The following DOK6 variants were observed in gnomAD, a reference collection of about 807,000 sequenced individuals.
DOK6 encodes the protein downstream of tyrosine kinase 6.
In DOK6, 22 loss-of-function variants were observed where a neutral mutation model predicts 44.0. The ratio of observed to expected loss-of-function variants is 0.50; its 90% CI spans 0.36 to 0.71. The LOEUF is 0.71. Among genes scored for constraint, DOK6 ranks in the 30% least tolerant of loss-of-function variants. The pLI is 0.00. For missense variants in DOK6, 340 were observed against 416.4 expected (o/e 0.82, Z 1.60); for synonymous variants, 166 against 145.5 (o/e 1.14, Z -1.01).
At chr18:69,614,332 A>G (rs1984231400) in intron 3 of DOK6, among the ~76,000 whole-genome samples, 1 of 152,172 alleles carries the variant, frequency 6.6e-6, no homozygotes, top group South Asian at 2.1e-4. Context: ...ATCATCCTTG[A>G]ATTCAAAATG....
intron 1 of DOK6, among the ~76,000 whole-genome samples, chr18:69,461,911 C>T (rs1449789596): frequency 6.6e-6 from 1 of 152,166 alleles, no homozygotes; most frequent in Non-Finnish European, 1.5e-5. Flanking sequence ...TAAAACTTCC[C>T]ACGCAGCTCA....
intron 7 of DOK6, among the ~76,000 whole-genome samples, chr18:69,758,502 G>T (rs1262166290): frequency 6.6e-6 from 1 of 151,832 alleles, no homozygotes; most frequent in Non-Finnish European, 1.5e-5. Flanking sequence ...ACTAACAGCA[G>T]CAAACAACCC....
intron 5 of DOK6, among the ~76,000 whole-genome samples, chr18:69,712,623 T>C (rs1307801868): frequency 6.6e-6 from 1 of 152,124 alleles, no homozygotes; most frequent in Non-Finnish European, 1.5e-5. Flanking sequence ...GGCAGGCAGA[T>C]CACTTGAGGC....
At chr18:69,446,656 A>G (rs1233252255) in intron 1 of DOK6, among the ~76,000 whole-genome samples, 6 of 152,176 alleles carry the variant, frequency 3.9e-5, no homozygotes, top group African/African-American at 1.4e-4. Flanking sequence ...TGGTTGAACT[A>G]GTTTACAGTC....
chr18:69,839,568 G>T (rs555747461), intron 7 of DOK6, among the ~76,000 whole-genome samples: 1 of 152,336 alleles, frequency 6.6e-6, no homozygotes, highest in South Asian at 2.1e-4. Flanking sequence ...GAAAGAAGAT[G>T]CACTCAGCTG....
At chr18:69,660,956 A>G (rs1236181606) in intron 3 of DOK6, 1 of 152,424 alleles carries the variant, frequency 6.6e-6, no homozygotes, top group Non-Finnish European at 1.5e-5. Flanking sequence ...GGCGTGAGCC[A>G]CCACACCTGG....
At chr18:69,645,584 G>A (rs1434780502) in intron 3 of DOK6, among the ~76,000 whole-genome samples, 1 of 151,984 alleles carries the variant, frequency 6.6e-6, no homozygotes, top group African/African-American at 2.4e-5. Flanking sequence ...ATGTAAAATT[G>A]TAGACATAGT....
At chr18:69,804,301 G>A (rs150651519) in intron 7 of DOK6, among the ~76,000 whole-genome samples, 27 of 152,290 alleles carry the variant, frequency 1.8e-4, no homozygotes, top group African/African-American at 6.0e-4. Context: ...GACTTATGAT[G>A]TCTAAGAAGG....
intron 1 of DOK6, among the ~76,000 whole-genome samples, chr18:69,472,787 A>AT (rs1265062183): frequency 7.9e-5 from 12 of 152,082 alleles, no homozygotes; most frequent in Admixed American, 2.0e-4. Context: ...AGAAACATTT[A>AT]TTTTTTCTTT....
intron 7 of DOK6, among the ~76,000 whole-genome samples, chr18:69,817,736 G>T (rs1007233584): frequency 3.6e-4 from 55 of 152,098 alleles, no homozygotes; most frequent in Admixed American, 3.2e-3. Flanking sequence ...TTCAACATAT[G>T]CATTTTGGAA....
intron 1 of DOK6, among the ~76,000 whole-genome samples, chr18:69,438,715 G>C (rs1979053023): frequency 1.3e-5 from 2 of 152,138 alleles, no homozygotes; most frequent in Non-Finnish European, 2.9e-5. Context: ...AATAAGATTT[G>C]AAAGTCTAAA....
At position 69,549,250 on chromosome 18, in the gene DOK6, G is replaced by GA. The variant is rs1449267071; in HGVS notation, c.67-15231dup. Among the ~76,000 whole-genome samples the GA allele has an allele frequency of 2.6e-5, 4 of 151,380 alleles. 1 individual carries two copies. Among genetic ancestry groups the GA allele is most frequent in the Non-Finnish European group, 5.9e-5 (4 of 67,710 alleles). On this transcript the variant is annotated intron_variant, in intron 1 of 7. Coordinates refer to ENST00000382713, the MANE Select transcript of DOK6 (RefSeq NM_152721.6). The stretch of plus-strand genomic sequence containing the variant: ...GCCAAAATGCATGAAATTTTTTTTA[G>GA]AAAAAATGCTGTCTAATGTGGAATA...
At chr18:69,497,711 T>C (rs1980932510) in intron 1 of DOK6, among the ~76,000 whole-genome samples, 1 of 152,230 alleles carries the variant, frequency 6.6e-6, no homozygotes, top group Non-Finnish European at 1.5e-5. Context: ...CTTTACTTGC[T>C]TGATCTGCAG....
chr18:69,710,081 A>G (rs1287796666), intron 5 of DOK6, among the ~76,000 whole-genome samples: 1 of 152,212 alleles, frequency 6.6e-6, no homozygotes, highest in East Asian at 1.9e-4. Flanking sequence ...GGGGAGGCTG[A>G]GGTGAGAGAA....
chr18:69,513,729 T>A (rs1981439479), intron 1 of DOK6, among the ~76,000 whole-genome samples: 1 of 152,172 alleles, frequency 6.6e-6, no homozygotes, highest in South Asian at 2.1e-4. Context: ...ATAAAAAAAA[T>A]TTCAGTTAAG....
chr18:69,502,962 T>C (rs1290783348), intron 1 of DOK6, among the ~76,000 whole-genome samples: 1 of 152,102 alleles, frequency 6.6e-6, no homozygotes, highest in Non-Finnish European at 1.5e-5. Flanking sequence ...TGTGACTGGC[T>C]GTGAATTTAA....
intron 1 of DOK6, among the ~76,000 whole-genome samples, chr18:69,446,059 T>A (rs1568260468): frequency 6.6e-6 from 1 of 151,710 alleles, no homozygotes; most frequent in East Asian, 1.9e-4. Flanking sequence ...TCCTAATTAA[T>A]TAATTAATTA....
At chr18:69,653,811 C>A (rs1052149449) in intron 3 of DOK6, among the ~76,000 whole-genome samples, 3 of 152,072 alleles carry the variant, frequency 2.0e-5, no homozygotes, top group Non-Finnish European at 4.4e-5. Context: ...CTCAAATTAT[C>A]GCTATAATGT....
intron 1 of DOK6, among the ~76,000 whole-genome samples, chr18:69,557,471 T>A (rs1488750362): frequency 6.6e-6 from 1 of 152,142 alleles, no homozygotes; most frequent in Non-Finnish European, 1.5e-5. Flanking sequence ...AAAATCACCT[T>A]GAAAAGGAGA....
Sources: gnomAD v4.1 joint callset for allele counts (sites outside exome capture counted in the v4.1 genomes callset) on GRCh38, gnomAD v4.1.1 for gene constraint, MANE v1.5 for transcripts, NCBI Gene and HGNC (gene_info 2026-07-23, HGNC 2026-07-21) for gene names.